CDH23: variants seen among roughly 807,000 people sequenced by gnomAD.
CDH23 encodes the protein cadherin-23.
CDH23 carries 189 observed loss-of-function variants against 317.1 expected under a neutral mutation model. The ratio of observed to expected loss-of-function variants is 0.60; its 90% confidence interval spans 0.53 to 0.67. CDH23 has a LOEUF of 0.67. Among genes scored for constraint, CDH23 ranks in the 30% least tolerant of loss-of-function variants. The pLI, the probability that CDH23 is intolerant of heterozygous loss-of-function variation, is 0.00. For synonymous variants in CDH23, 1,839 were observed against 1,876.8 expected, an observed-to-expected ratio of 0.98 and a Z score of 0.52; for missense variants, 4,401 against 4,592.4, an observed-to-expected ratio of 0.96 and a Z score of 1.20.
intron 1 of CDH23, among the ~76,000 whole-genome samples, chr10:71,416,364 A>G (rs1414744865): frequency 2.0e-5 from 3 of 152,108 alleles, no homozygotes; most frequent in Non-Finnish European, 4.4e-5. Context: ...ATTTTTTTCT[A>G]CTATCTCTTG....
intron 11 of CDH23, among the ~76,000 whole-genome samples, chr10:71,627,180 A>AAGG (rs1415019066): frequency 1.3e-5 from 2 of 152,094 alleles, no homozygotes; most frequent in African/African-American, 4.8e-5. Flanking sequence ...GTCTGTTTGC[A>AAGG]AGGCCTCGGT....
intron 11 of CDH23, among the ~76,000 whole-genome samples, chr10:71,626,878 A>G (rs574719776): frequency 1.6e-4 from 25 of 152,284 alleles, no homozygotes; most frequent in African/African-American, 5.5e-4. Flanking sequence ...TTGTGATTTC[A>G]TCAATGAAGT....
At chr10:71,540,352 T>C (rs994621337) in intron 6 of CDH23, among the ~76,000 whole-genome samples, 3 of 152,152 alleles carry the variant, frequency 2.0e-5, no homozygotes, top group African/African-American at 7.2e-5. Flanking sequence ...CAGTGCATGG[T>C]GCTAAGGCTC....
chr10:71,451,436 C>T (rs146171895), intron 3 of CDH23, among the ~76,000 whole-genome samples: 174 of 152,324 alleles, frequency 1.1e-3, no homozygotes, highest in African/African-American at 4.0e-3. Flanking sequence ...TGTCAGACCT[C>T]GCCCCCACCC....
intron 11 of CDH23, among the ~76,000 whole-genome samples, chr10:71,640,577 G>A (rs1239335658): frequency 5.3e-5 from 8 of 152,078 alleles, no homozygotes; most frequent in African/African-American, 1.7e-4. Flanking sequence ...GTGAAACCCC[G>A]TCTCTACTAA....
intron 19 of CDH23, among the ~76,000 whole-genome samples, chr10:71,688,520 G>A (rs1414930538): frequency 6.7e-6 from 1 of 149,974 alleles, no homozygotes; most frequent in African/African-American, 2.5e-5. Context: ...GGGTGGTGGA[G>A]TCAGGGGTGG....
At chr10:71,575,562 A>G (rs903630347) in intron 8 of CDH23, among the ~76,000 whole-genome samples, 1 of 151,848 alleles carries the variant, frequency 6.6e-6, no homozygotes, top group East Asian at 1.9e-4. Flanking sequence ...AGGCCTGCAC[A>G]CTGTAGCCTC....
chr10:71,706,959 G>C lies in CDH23; in HGVS notation c.3016G>C (p.Glu1006Gln), dbSNP rs745571683. 6.2e-7 allele frequency: 1 copy of C among 1,607,454 alleles called. No individual in the cohort carries two copies. Among genetic ancestry groups the C allele is most frequent in the Non-Finnish European group, 8.5e-7 (1 of 1,177,220 alleles). Reference protein sequence around the residue: ...FPAVYNVSVSEDVPREFRVVW... With the variant: ...FPAVYNVSVSQDVPREFRVVW... Reference sequence around the variant, plus strand: ...GGCCGTGTACAATGTGTCTGTGTCCGAGGACGTGCCACGCGAGTTCCGGGT... The same window carrying C: ...GGCCGTGTACAATGTGTCTGTGTCCCAGGACGTGCCACGCGAGTTCCGGGT... The change falls in exon 26 of 70, where the codon GAG becomes CAG. Residue 1006 changes from glutamate (E) to glutamine (Q), a missense_variant. Transcript: ENST00000224721.
At chr10:71,651,982 T>C (rs1863197230) in intron 14 of CDH23, among the ~76,000 whole-genome samples, 1 of 152,160 alleles carries the variant, frequency 6.6e-6, no homozygotes, top group South Asian at 2.1e-4. Context: ...CTTACTGAGC[T>C]CCAAGGCCTT....
intron 6 of CDH23, among the ~76,000 whole-genome samples, chr10:71,564,314 A>G (rs922261915): frequency 1.3e-5 from 2 of 152,206 alleles, no homozygotes. Flanking sequence ...CTTCCCTGAT[A>G]GAGCATGGTG....
At chr10:71,441,805 C>T (rs981742385) in intron 2 of CDH23, among the ~76,000 whole-genome samples, 7 of 152,084 alleles carry the variant, frequency 4.6e-5, no homozygotes, top group South Asian at 2.1e-4. Flanking sequence ...CTGTGAGACA[C>T]GGCAGTCTCC....
At chr10:71,682,966 T>TTC (rs148550412) in intron 18 of CDH23, among the ~76,000 whole-genome samples, 6,121 of 149,972 alleles carry the variant, frequency 0.041, 168 homozygotes, top group East Asian at 0.074. Flanking sequence ...ATCTTCTCCC[T>TTC]TCTCTCTCTC....
At chr10:71,785,534 C>A in intron 43 of CDH23, 97 bp from the exon 44 acceptor site, 1 of 813,318 alleles carries the variant, frequency 1.2e-6, no homozygotes. Context: ...ATCTCTTAGG[C>A]AATTTAGGGA....
At chr10:71,421,752 G>C (rs10740377) in intron 1 of CDH23, among the ~76,000 whole-genome samples, 49,018 of 151,996 alleles carry the variant, frequency 0.32, 8,306 homozygotes, top group Middle Eastern at 0.45. Context: ...TTAGAAAGTA[G>C]TTACTGGGGA....
At chr10:71,624,195 A>G (rs10999918) in intron 11 of CDH23, among the ~76,000 whole-genome samples, 3 of 151,834 alleles carry the variant, frequency 2.0e-5, no homozygotes, top group Non-Finnish European at 1.5e-5. Flanking sequence ...CGGCAAACCC[A>G]GCTCCCACTT....
intron 38 of CDH23, among the ~76,000 whole-genome samples, chr10:71,762,253 G>A (rs1267855046): frequency 6.6e-6 from 1 of 152,256 alleles, no homozygotes; most frequent in Non-Finnish European, 1.5e-5. Context: ...GCTCCTGGAT[G>A]CTGGACAGGG....
chr10:71,786,463 A>C (rs1399903516), intron 44 of CDH23, among the ~76,000 whole-genome samples: 1 of 144,968 alleles, frequency 6.9e-6, no homozygotes, highest in Non-Finnish European at 1.5e-5. Context: ...TGCCCCTCCC[A>C]TGTGGTGCTC....
chr10:71,428,719 G>T (rs1441222428), intron 1 of CDH23, among the ~76,000 whole-genome samples: 1 of 152,112 alleles, frequency 6.6e-6, no homozygotes, highest in Admixed American at 6.5e-5. Flanking sequence ...CTCCTGAGTA[G>T]CTGGGATTAC....
At chr10:71,445,692 A>C (rs1195434037) in intron 2 of CDH23, among the ~76,000 whole-genome samples, 1 of 152,106 alleles carries the variant, frequency 6.6e-6, no homozygotes, top group Non-Finnish European at 1.5e-5. Flanking sequence ...TACAAAAAAA[A>C]TAAAGTAAAA....
Sources: gnomAD v4.1 joint callset for allele counts (sites outside exome capture counted in the v4.1 genomes callset) on GRCh38, gnomAD v4.1.1 for gene constraint, MANE v1.5 for transcripts, NCBI Gene and HGNC (gene_info 2026-07-23, HGNC 2026-07-21) for gene names.